The following CADPS variants were observed in gnomAD, a reference collection of about 807,000 sequenced individuals.
CADPS encodes calcium dependent secretion activator.
A neutral mutation model predicts 167.3 loss-of-function variants in CADPS; 57 were observed. The ratio of observed to expected loss-of-function variants is 0.34; its 90% CI spans 0.28 to 0.42. The LOEUF is 0.42. Among genes scored for constraint, CADPS ranks in the 20% least tolerant of loss-of-function variants. CADPS has a pLI of 1.00. For synonymous variants in CADPS, 676 were observed against 635.3 expected, an observed-to-expected ratio of 1.06 and a Z score of -0.96; for missense variants, 1,414 against 1,738.1, an observed-to-expected ratio of 0.81 and a Z score of 3.32.
rs556305472 is a variant in CADPS at position 62,458,771 on chromosome 3, T to A, written c.3636+6596A>T. On this transcript the variant is annotated intron_variant, in intron 26 of 29. Transcript: ENST00000383710. This position sits in a 1 kb window ranked among gnomAD's most constrained non-coding sequence, Gnocchi z 4.6. The stretch of plus-strand genomic sequence containing the variant: ...CCCAAAGTGCTGGGAAATACCCATA[T>A]TCTTTAGGTATTTCTTTTGTAGCTA... Among the ~76,000 whole-genome samples, 334 of 152,292 alleles carry A rather than the reference T, an allele frequency of 2.2e-3. No homozygotes were observed. The highest frequency in any genetic ancestry group is 3.6e-3 in the Non-Finnish European group (248 of 68,022).
intron 24 of CADPS, 57 bp from the exon 25 acceptor site, chr3:62,466,470 G>A (rs771732814): frequency 2.9e-5 from 32 of 1,116,612 alleles, no homozygotes; most frequent in South Asian, 7.6e-5. Context: ...CACTGCATCC[G>A]TCAGTAATTT....
At position 62,518,161 on chromosome 3, in the gene CADPS, A is replaced by C; in HGVS notation, c.2381T>G (p.Ile794Ser). ...CCCAGATCCTTACCTAAAATGTGTA[A>C]TCTGATTTTCTAGCAGAACTCGGAG... ...ERLRVLLENQ[I>S]THFRYCFPFG... is the part of the protein sequence containing the mutation. Residue 794 changes from isoleucine to serine, a missense_variant, in exon 14 of 30, where the codon ATT (isoleucine) becomes AGT (serine). Ile to Ser is a moderately radical substitution (Grantham distance 142, BLOSUM62 -2). Coordinates refer to ENST00000383710, the MANE Select transcript of CADPS (RefSeq NM_003716.4). 1 of 1,611,394 alleles carries C rather than the reference A, an allele frequency of 6.2e-7. No homozygotes were observed. The highest frequency in any genetic ancestry group is 8.5e-7 in the Non-Finnish European group (1 of 1,178,370).
intron 6 of CADPS, among the ~76,000 whole-genome samples, chr3:62,605,854 C>T (rs2060625879): frequency 6.6e-6 from 1 of 152,210 alleles, no homozygotes; most frequent in South Asian, 2.1e-4. Flanking sequence ...TGGAATCAAA[C>T]ATCATGAAAT....
At chr3:62,766,849 C>T (rs960994317) in intron 1 of CADPS, among the ~76,000 whole-genome samples, 1 of 152,152 alleles carries the variant, frequency 6.6e-6, no homozygotes, top group Non-Finnish European at 1.5e-5. Context: ...GGTCTTCCTG[C>T]TATGTGATTC....
intron 3 of CADPS, among the ~76,000 whole-genome samples, chr3:62,750,534 C>G (rs999878905): frequency 6.6e-5 from 10 of 151,994 alleles, no homozygotes; most frequent in African/African-American, 2.4e-4. Context: ...TTGATGGTTT[C>G]TTTGTTGAGA....
intron 3 of CADPS, among the ~76,000 whole-genome samples, chr3:62,744,140 CTTG>C (rs2080934557): frequency 6.6e-6 from 1 of 151,990 alleles, no homozygotes; most frequent in Non-Finnish European, 1.5e-5. Context: ...GCTTTAAAGG[CTTG>C]TTATGAGGAT....
chr3:62,849,130 T>A (rs1421056599), intron 1 of CADPS, among the ~76,000 whole-genome samples: 1 of 151,564 alleles, frequency 6.6e-6, no homozygotes, highest in Admixed American at 6.6e-5. Context: ...TGATTTTGTA[T>A]CCTGAGACTT....
chr3:62,810,264 C>T (rs1246767082), intron 1 of CADPS, among the ~76,000 whole-genome samples: 2 of 152,082 alleles, frequency 1.3e-5, no homozygotes, highest in African/African-American at 4.8e-5. Context: ...CTCAGTTTTT[C>T]CTCTAAAAGG....
intron 3 of CADPS, among the ~76,000 whole-genome samples, chr3:62,683,401 A>G (rs764820163): frequency 6.6e-6 from 1 of 152,074 alleles, no homozygotes; most frequent in Non-Finnish European, 1.5e-5. Context: ...TTTATAGCAT[A>G]CAAAGGCTCG....
At position 62,399,396 on chromosome 3, in the gene CADPS, A is replaced by G. The variant is rs1193764484; in HGVS notation, c.*10T>C. On this transcript the variant is annotated 3_prime_UTR_variant, in exon 30 of 30. Coordinates refer to ENST00000383710, the MANE Select transcript of CADPS (RefSeq NM_003716.4). The surrounding 1 kb of genome is among the most constrained non-coding windows in gnomAD (Gnocchi z 5.6). ...GGACTCTGTCCCAGCAGACTCTAGG[A>G]CCAAATGGTCTAATCGTCTTCTTCG... 3 of 1,613,882 alleles carry G rather than the reference A, an allele frequency of 1.9e-6. No individual in the cohort carries two copies. Among genetic ancestry groups the G allele is most frequent in the Admixed American group, 3.3e-5 (2 of 60,032 alleles).
intron 26 of CADPS, among the ~76,000 whole-genome samples, chr3:62,456,588 A>C (rs2058705190): frequency 6.6e-6 from 1 of 151,970 alleles, no homozygotes. Context: ...AAAAATAATA[A>C]CCCTCTCACA....
chr3:62,436,955 G>A (rs1294674708), intron 28 of CADPS, among the ~76,000 whole-genome samples: 1 of 151,742 alleles, frequency 6.6e-6, no homozygotes, highest in African/African-American at 2.4e-5. Context: ...CGCAGAATCA[G>A]AAAGCGGTGC....
At chr3:62,773,119 T>A (rs888338018) in intron 1 of CADPS, among the ~76,000 whole-genome samples, 2 of 152,074 alleles carry the variant, frequency 1.3e-5, no homozygotes, top group African/African-American at 2.4e-5. Context: ...TAGGGCAATG[T>A]TTATTTAATT....
intron 6 of CADPS, among the ~76,000 whole-genome samples, chr3:62,638,596 C>A (rs1341578928): frequency 6.6e-6 from 1 of 152,068 alleles, no homozygotes; most frequent in Non-Finnish European, 1.5e-5. Context: ...TGTTTCATAG[C>A]TACACAAGAT....
At chr3:62,668,134 G>C (rs2074827481) in intron 3 of CADPS, among the ~76,000 whole-genome samples, 1 of 152,184 alleles carries the variant, frequency 6.6e-6, no homozygotes, top group Non-Finnish European at 1.5e-5. Context: ...ACCAAAGAGA[G>C]GATGTGATTC....
chr3:62,622,140 C>T lies in CADPS; in HGVS notation c.1325+23582G>A, dbSNP rs145020810. 4.8e-3 allele frequency among the ~76,000 whole-genome samples: 730 copies of T among 152,128 alleles called. 2 individuals are homozygous for T. Among genetic ancestry groups the T allele is most frequent in the Non-Finnish European group, 6.2e-3 (423 of 67,998 alleles). ...ACTGGTTTCCTGGGTTGGTTTGGCC[C>T]GCAGCTGGTCTGTATCTCCAGAGAA... On this transcript the variant is annotated intron_variant, in intron 6 of 29. Coordinates refer to ENST00000383710, the MANE Select transcript of CADPS (RefSeq NM_003716.4).
At chr3:62,538,637 C>T (rs181958860) in intron 11 of CADPS, among the ~76,000 whole-genome samples, 5 of 152,212 alleles carry the variant, frequency 3.3e-5, no homozygotes, top group Middle Eastern at 3.4e-3. Context: ...ACAAACCGGC[C>T]GGGGCCTTAC....
At chr3:62,739,431 A>T (rs1270122562) in intron 3 of CADPS, among the ~76,000 whole-genome samples, 1 of 152,224 alleles carries the variant, frequency 6.6e-6, no homozygotes, top group Non-Finnish European at 1.5e-5. Flanking sequence ...TAAGCAATTG[A>T]GTTTAAGGAT....
Position 62,874,450 on chromosome 3 carries a change from G to A in CADPS, c.441+139C>T. 1 of 643,264 alleles carries A rather than the reference G, an allele frequency of 1.6e-6. No homozygotes were observed. The highest frequency in any genetic ancestry group is 2.0e-5 in the South Asian group (1 of 50,832). The allele number at this position is 643,264 out of a possible 1,614,324, so 39.8% of individuals were successfully genotyped here. On this transcript the variant is annotated intron_variant, in intron 1 of 29. Coordinates refer to ENST00000383710, the MANE Select transcript of CADPS (RefSeq NM_003716.4). This position sits in a 1 kb window ranked among gnomAD's most constrained non-coding sequence, Gnocchi z 7.1. ...GGGCGAGCCCGGCCGCTGGGAGGGG[G>A]CCTCGTAGCCCTTTCCCCAGGGCGC...
Sources: gnomAD v4.1 joint callset for allele counts (sites outside exome capture counted in the v4.1 genomes callset) on GRCh38, gnomAD v4.1.1 for gene constraint, Gnocchi (gnomAD v3.1) non-coding constraint, MANE v1.5 for transcripts, NCBI Gene and HGNC (gene_info 2026-07-23, HGNC 2026-07-21) for gene names.